Variants in TPM3 observed in about 807,000 individuals in gnomAD.
The protein encoded by TPM3 is tropomyosin alpha-3 chain.
Under a neutral mutation model 43.1 loss-of-function variants are expected in TPM3, and 16 were observed. The observed-to-expected ratio is 0.37, with a 90% CI of 0.25 to 0.56. The LOEUF (loss-of-function observed/expected upper bound fraction) is 0.56. Ranked by LOEUF, TPM3 falls within the 20% of genes least tolerant of loss-of-function variation. TPM3 has a pLI of 0.77. For missense variants in TPM3, 176 were observed against 337.2 expected, an observed-to-expected ratio of 0.52 and a Z score of 3.74; for synonymous variants, 101 against 116.9, an observed-to-expected ratio of 0.86 and a Z score of 0.88.
intron 5 of TPM3, chr1:154,172,308 G>A (rs1661677213): frequency 1.4e-6 from 1 of 717,618 alleles, no homozygotes; most frequent in Non-Finnish European, 2.6e-6. Flanking sequence ...ATTCAGCACT[G>A]ACTTTGTTAA....
chr1:154,161,637 T>C (rs1318196256), downstream of TPM3, among the ~76,000 whole-genome samples: 2 of 151,826 alleles, frequency 1.3e-5, no homozygotes, highest in African/African-American at 2.4e-5. Flanking sequence ...GAGATGGGGT[T>C]TCACCATATT....
downstream of TPM3, chr1:154,158,793 C>T (rs2148187361): frequency 1.6e-6 from 1 of 625,264 alleles, no homozygotes; most frequent in East Asian, 2.9e-5. Context: ...AGAAACTTCA[C>T]AATGGTCAAC....
chr1:154,181,846 G>A (rs78262198), intron 2 of TPM3, among the ~76,000 whole-genome samples: 2 of 152,226 alleles, frequency 1.3e-5, no homozygotes, highest in South Asian at 2.1e-4. Flanking sequence ...ACTTGAACCC[G>A]GGAGGCGGAG....
rs1661547067 is a variant in TPM3 at position 154,171,317 on chromosome 1, C to T, written c.642+96G>A. The T allele has an allele frequency of 1.2e-5, 16 of 1,342,130 alleles. No individual in the cohort carries two copies. The South Asian group carries it at 1.9e-4, about 16-fold the overall frequency. 83.1% of individuals were successfully genotyped at this position (1,342,130 alleles called of 1,614,324 possible). A position where few individuals can be genotyped will look rare whatever the true frequency, so the allele number is the denominator to read the frequency against. ...GGAGGTAGGAAGAGGACACGCCTCA[C>T]TGGATTATATATGGAATGCGTGTCT... On this transcript the variant is annotated intron_variant, in intron 6 of 9. Transcript: ENST00000651641.
intron 8 of TPM3, chr1:154,170,045 T>C (rs781503997): frequency 2.3e-4 from 69 of 298,324 alleles, no homozygotes; most frequent in Non-Finnish European, 3.6e-4. Context: ...AAAGTAGCCA[T>C]GAAATGACAT....
rs1416478705 is a variant in TPM3, at chr1:154,167,838, A to C, written c.*99T>G. The C allele has an allele frequency of 3.1e-6, 5 of 1,612,448 alleles. No individual in the cohort carries two copies. The African/African-American group carries it at 4.0e-5, about 13-fold the overall frequency. On this transcript the variant is annotated 3_prime_UTR_variant, in exon 10 of 10. Transcript: ENST00000651641. ...CCCCCATCCTAATGCCTTGGGGACC[A>C]GCCAGGCTGACCCAAATGGAATCCA...
At position 154,169,285 on chromosome 1, in the gene TPM3, C is replaced by A; in HGVS notation, c.854+20G>T. 6.2e-7 allele frequency: 1 copy of A among 1,613,954 alleles called. No individual in the cohort carries two copies. The highest frequency in any genetic ancestry group is 1.3e-5 in the African/African-American group (1 of 75,064). ...CCCACAAGCCAAGATCCCAGCCCCA[C>A]TCTACTGTCAGATAGTTACATAGAG... On this transcript the variant is annotated intron_variant, in intron 9 of 9. Transcript: ENST00000651641.
chr1:154,169,881 C>G lies in TPM3; in HGVS notation c.776-498G>C, dbSNP rs116307781. 4.4e-3 allele frequency: 1,090 copies of G among 247,430 alleles called. 14 individuals are homozygous for G. Among genetic ancestry groups the G allele is most frequent in the African/African-American group, 0.023 (1,025 of 43,956 alleles). The allele number at this position is 247,430 out of a possible 1,614,324, so 15.3% of individuals were successfully genotyped here. A position where few individuals can be genotyped will look rare whatever the true frequency, so the allele number is the denominator to read the frequency against. On this transcript the variant is annotated intron_variant, in intron 8 of 9. Transcript: ENST00000651641. ...ATCAGAGTTCTCAAAGCAAAGAGTA[C>G]GTTCCCTTGTCAGGGTGGATGGCAG... is the stretch of plus-strand genomic sequence containing the variant.
chr1:154,169,493 T>C, intron 8 of TPM3, 110 bp from the exon 9 acceptor site: 1 of 1,082,968 alleles, frequency 9.2e-7, no homozygotes, highest in Non-Finnish European at 1.4e-6. Flanking sequence ...ACTGTGGGTC[T>C]AATACCACAG....
Position 154,175,636 on chromosome 1 carries a change from T to C in TPM3, c.377+479A>G, listed in dbSNP as rs372781195. ...TGCTGATGCTGCTGGTCTGAGACCT[T>C]ACTTAGAGAACCTCTGTTTTAGAGA... is the stretch of plus-strand genomic sequence containing the variant. On this transcript the variant is annotated intron_variant, in intron 3 of 9. Coordinates refer to ENST00000651641, the MANE Select transcript of TPM3 (RefSeq NM_152263.4). 3.9e-5 allele frequency among the ~76,000 whole-genome samples: 6 copies of C among 152,336 alleles called. No homozygotes were observed. The East Asian group carries it at 5.8e-4, about 15-fold the overall frequency.
intron 5 of TPM3, 138 bp downstream of exon 5, chr1:154,172,770 A>G: frequency 2.8e-6 from 3 of 1,083,960 alleles, no homozygotes; most frequent in Non-Finnish European, 1.4e-6. Context: ...TGGGCCTAAA[A>G]AAGCACTATA....
intron 3 of TPM3, 119 bp downstream of exon 3, chr1:154,175,996 A>G: frequency 6.6e-7 from 1 of 1,507,150 alleles, no homozygotes; most frequent in Admixed American, 1.7e-5. Context: ...CTGGGATTAC[A>G]GGCGTGAGCC....
In TPM3 at chr1:154,167,619, G is replaced by A. The variant is rs2148220545; in HGVS notation, c.*318C>T. ...CAAGAAAAAATAGACACACACAAAA[G>A]TGGCTTTGATTACATAAGTCAGAGG... On this transcript the variant is annotated 3_prime_UTR_variant, in exon 10 of 10. Coordinates refer to ENST00000651641, the MANE Select transcript of TPM3 (RefSeq NM_152263.4). The A allele has an allele frequency of 2.4e-6, 3 of 1,235,912 alleles. No individual in the cohort carries two copies. The highest frequency in any genetic ancestry group is 3.1e-6 in the Non-Finnish European group (3 of 979,236). The allele number at this position is 1,235,912 out of a possible 1,614,324, so 76.6% of individuals were successfully genotyped here.
At position 154,167,056 on chromosome 1, in the gene TPM3, T is replaced by G. The variant is rs973490161; in HGVS notation, c.*881A>C. On this transcript the variant is annotated 3_prime_UTR_variant, in exon 10 of 10. Transcript: ENST00000651641. ...CAAGGAAAATTTTACTAGCAGAAAT[T>G]TATGTATGTAATAAATCATTAGCCT... 2.6e-5 allele frequency among the ~76,000 whole-genome samples: 4 copies of G among 152,144 alleles called. No individual in the cohort carries two copies. The highest frequency in any genetic ancestry group is 9.7e-5 in the African/African-American group (4 of 41,410).
At chr1:154,159,963 T>C (rs1334091001), downstream of TPM3, among the ~76,000 whole-genome samples, 2 of 151,740 alleles carry the variant, frequency 1.3e-5, no homozygotes, top group Non-Finnish European at 2.9e-5. Context: ...AATCCCATAT[T>C]TATTTAAGCT....
At chr1:154,160,898 T>C (rs1339073313), downstream of TPM3, among the ~76,000 whole-genome samples, 1 of 151,670 alleles carries the variant, frequency 6.6e-6, no homozygotes, top group Non-Finnish European at 1.5e-5. Flanking sequence ...GATGTGTGTG[T>C]TTGTGTGTGT....
At chr1:154,179,125 T>G (rs991871734) in intron 2 of TPM3, among the ~76,000 whole-genome samples, 1 of 152,028 alleles carries the variant, frequency 6.6e-6, no homozygotes, top group Non-Finnish European at 1.5e-5. Context: ...AATGAAAGAG[T>G]ATCAGAAAGT....
At chr1:154,183,330 C>G in intron 2 of TPM3, 1 of 1,458,716 alleles carries the variant, frequency 6.9e-7, no homozygotes. Context: ...GGAGTGGATC[C>G]TCCCAGTCGC....
chr1:154,185,196 A>G (rs745705447), intron 2 of TPM3, among the ~76,000 whole-genome samples: 14 of 151,462 alleles, frequency 9.2e-5, no homozygotes, highest in Non-Finnish European at 1.5e-4. Flanking sequence ...ACATGGCAAA[A>G]CCCCGTCTCT....
Sources: allele counts gnomAD v4.1 joint callset (sites outside exome capture counted in the v4.1 genomes callset), GRCh38; gene constraint gnomAD v4.1.1; transcripts MANE v1.5; gene names NCBI Gene and HGNC (gene_info 2026-07-23, HGNC 2026-07-21).